DTNA: variants seen among roughly 807,000 people sequenced by gnomAD.
The protein encoded by DTNA is dystrobrevin alpha, also known as dystrophin-related protein 3.
A neutral mutation model predicts 100.7 loss-of-function variants in DTNA; 43 were observed. That is an observed-to-expected ratio of 0.43 (90% CI 0.33 to 0.55). The LOEUF (loss-of-function observed/expected upper bound fraction) is 0.55, where lower values mean the gene tolerates loss of function less well. Among genes scored for constraint, DTNA ranks in the 20% least tolerant of loss-of-function variants. The pLI, the probability that DTNA is intolerant of heterozygous loss-of-function variation, is 0.04. For synonymous variants in DTNA, 349 were observed against 347.9 expected, an observed-to-expected ratio of 1.00 and a Z score of -0.04; for missense variants, 798 against 953.9, an observed-to-expected ratio of 0.84 and a Z score of 2.15.
rs116746729 is a variant in DTNA, at chr18:34,778,391, A to G, written c.148+12350A>G. Among the ~76,000 whole-genome samples the G allele has an allele frequency of 7.0e-3, 1,063 of 152,312 alleles. 15 individuals are homozygous for G. Among genetic ancestry groups the G allele is most frequent in the African/African-American group, 0.024 (1,009 of 41,570 alleles). ...CGATTGTCTCCACTTCACTCTTTTT[A>G]TAGCATATTTTATCTTTTTCTAGTT... On this transcript the variant is annotated intron_variant, in intron 3 of 22. Coordinates refer to ENST00000444659, the MANE Select transcript of DTNA (RefSeq NM_001386795.1).
chr18:34,537,448 T>C (rs920745754), intron 1 of DTNA, among the ~76,000 whole-genome samples: 4 of 151,958 alleles, frequency 2.6e-5, no homozygotes, highest in Admixed American at 6.6e-5. Context: ...GGAAATTGTA[T>C]TGTATTAAGG....
At chr18:34,769,807 C>T (rs12606699) in intron 3 of DTNA, among the ~76,000 whole-genome samples, 94,810 of 143,368 alleles carry the variant, frequency 0.66, 33,266 homozygotes, top group East Asian at 0.9. Context: ...CTGCAACCTC[C>T]GCCTCCCAGG....
At chr18:34,565,662 C>T (rs2047020528) in intron 1 of DTNA, among the ~76,000 whole-genome samples, 1 of 152,172 alleles carries the variant, frequency 6.6e-6, no homozygotes, top group Non-Finnish European at 1.5e-5. Flanking sequence ...ACATGACTTT[C>T]TTTGTGTCTC....
At chr18:34,662,138 T>G (rs1029515220) in intron 1 of DTNA, among the ~76,000 whole-genome samples, 13 of 151,266 alleles carry the variant, frequency 8.6e-5, no homozygotes, top group African/African-American at 1.9e-4. Flanking sequence ...GGTTGTTGTT[T>G]TTTTTTTTTT....
intron 1 of DTNA, among the ~76,000 whole-genome samples, chr18:34,580,769 G>A (rs2048535874): frequency 6.6e-6 from 1 of 152,110 alleles, no homozygotes; most frequent in Admixed American, 6.5e-5. Flanking sequence ...TGCACTGAAT[G>A]AAGACCTCTG....
chr18:34,737,397 A>G (rs2089824878), intron 1 of DTNA, among the ~76,000 whole-genome samples: 1 of 152,228 alleles, frequency 6.6e-6, no homozygotes, highest in Non-Finnish European at 1.5e-5. Context: ...GGTTCTTGCC[A>G]CATTTTTCTG....
At chr18:34,862,228 C>T (rs1420443318) in intron 16 of DTNA, among the ~76,000 whole-genome samples, 1 of 150,420 alleles carries the variant, frequency 6.6e-6, no homozygotes, top group South Asian at 2.1e-4. Flanking sequence ...AATGCTTCAA[C>T]CCAGGAAGAC....
chr18:34,695,773 CT>C (rs2080446277), intron 1 of DTNA, among the ~76,000 whole-genome samples: 5 of 152,280 alleles, frequency 3.3e-5, no homozygotes. Flanking sequence ...CTTTGAAATA[CT>C]TTTTACAGAA....
intron 17 of DTNA, chr18:34,866,158 TTAAC>T (rs1250004450): frequency 6.2e-7 from 1 of 1,614,218 alleles, no homozygotes; most frequent in Admixed American, 1.7e-5. Flanking sequence ...ACTGCAGGTC[TTAAC>T]TAACAGTGGA....
intron 1 of DTNA, among the ~76,000 whole-genome samples, chr18:34,689,876 T>C (rs2079490433): frequency 6.6e-6 from 1 of 152,224 alleles, no homozygotes; most frequent in Non-Finnish European, 1.5e-5. Context: ...GCAGTCTGGC[T>C]ACAGTGGCTT....
chr18:34,888,291 A>G lies in DTNA; in HGVS notation c.*557A>G, dbSNP rs1253934028. On this transcript the variant is annotated 3_prime_UTR_variant, in exon 23 of 23. Coordinates refer to ENST00000444659, the MANE Select transcript of DTNA (RefSeq NM_001386795.1). ...ATTTTTTTCACAGCAATTGGAAAAA[A>G]ACAACCACTTGCAATCATTCAATAA... is the stretch of plus-strand genomic sequence containing the variant. 2.0e-6 allele frequency: 2 copies of G among 985,840 alleles called. No individual in the cohort carries two copies. The highest frequency in any genetic ancestry group is 2.3e-4 in the East Asian group (2 of 8,816). The allele number at this position is 985,840 out of a possible 1,614,324, so 61.1% of individuals were successfully genotyped here.
intron 1 of DTNA, among the ~76,000 whole-genome samples, chr18:34,699,780 A>T (rs1362875819): frequency 6.6e-6 from 1 of 152,170 alleles, no homozygotes; most frequent in African/African-American, 2.4e-5. Context: ...TTGCATTTCT[A>T]TATATTTCTT....
In DTNA at chr18:34,883,338, G is replaced by T. The variant is rs145136017; in HGVS notation, c.2295+1137G>T. Reference sequence around the variant, plus strand: ...TTTTTTTTTTTCTTTTTGAGACAGGGTCTCATTCTGTTGCCCAGGCTGGAG... The same window carrying T: ...TTTTTTTTTTTCTTTTTGAGACAGGTTCTCATTCTGTTGCCCAGGCTGGAG... On this transcript the variant is annotated intron_variant, in intron 21 of 22. Transcript: ENST00000444659. Among the ~76,000 whole-genome samples, 250 of 151,638 alleles carry T rather than the reference G, an allele frequency of 1.6e-3. 2 individuals carry two copies. In the East Asian group the frequency reaches 0.039, roughly 24 times the overall value.
At chr18:34,715,166 C>G (rs1013190257) in intron 1 of DTNA, among the ~76,000 whole-genome samples, 1 of 151,658 alleles carries the variant, frequency 6.6e-6, no homozygotes, top group Non-Finnish European at 1.5e-5. Context: ...ATGTAACTAA[C>G]CTGCACAATG....
chr18:34,594,856 A>T (rs2050266695), intron 1 of DTNA, among the ~76,000 whole-genome samples: 1 of 152,106 alleles, frequency 6.6e-6, no homozygotes, highest in South Asian at 2.1e-4. Context: ...GATGAATATG[A>T]CTACTCAGCG....
chr18:34,697,161 A>AT (rs1232411279), intron 1 of DTNA, among the ~76,000 whole-genome samples: 1 of 152,154 alleles, frequency 6.6e-6, no homozygotes, highest in Non-Finnish European at 1.5e-5. Flanking sequence ...AATATGTGGT[A>AT]TTTTTTTGTT....
chr18:34,569,477 TAGTG>T (rs1196218491), intron 1 of DTNA, among the ~76,000 whole-genome samples: 3 of 151,476 alleles, frequency 2.0e-5, no homozygotes, highest in Non-Finnish European at 2.9e-5. Context: ...TTCTTGGTGA[TAGTG>T]AGAAAAAAAA....
chr18:34,592,668 A>C (rs1001363141), intron 1 of DTNA, among the ~76,000 whole-genome samples: 5 of 152,062 alleles, frequency 3.3e-5, no homozygotes, highest in African/African-American at 1.2e-4. Flanking sequence ...GCACAGATTG[A>C]ACAGTTGCCC....
Position 34,755,962 on chromosome 18 carries a change from A to G in DTNA, c.-1-14A>G. On this transcript the variant is annotated splice_polypyrimidine_tract_variant and intron_variant, in intron 1 of 22. Transcript: ENST00000444659. ...CGTGAGGATAATACACATTGTAACTATTTTGTCTCATAGAATGATTGAAGA... is the reference window on the plus strand; with the variant it reads ...CGTGAGGATAATACACATTGTAACTGTTTTGTCTCATAGAATGATTGAAGA... 6.2e-7 allele frequency: 1 copy of G among 1,611,500 alleles called. No individual in the cohort carries two copies. Among genetic ancestry groups the G allele is most frequent in the Non-Finnish European group, 8.5e-7 (1 of 1,178,116 alleles).
Sources: gnomAD v4.1 joint callset for allele counts (sites outside exome capture counted in the v4.1 genomes callset) on GRCh38, gnomAD v4.1.1 for gene constraint, MANE v1.5 for transcripts, NCBI Gene and HGNC (gene_info 2026-07-23, HGNC 2026-07-21) for gene names.